Variants in PCDHGB5 observed in about 807,000 individuals in gnomAD.
PCDHGB5 encodes protocadherin gamma subfamily B, 5.
Under a neutral mutation model 62.9 loss-of-function variants are expected in PCDHGB5, and 48 were observed. The observed-to-expected ratio is 0.76, with a 90% CI of 0.61 to 0.97. The LOEUF (loss-of-function observed/expected upper bound fraction) is 0.97. PCDHGB5 is among the 50% of genes least tolerant of loss of function. The pLI, the probability that PCDHGB5 is intolerant of heterozygous loss-of-function variation, is 0.00. For synonymous variants in PCDHGB5, 474 were observed against 511.2 expected (o/e 0.93, Z 0.98); for missense variants, 1,118 against 1,198.6 (o/e 0.93, Z 0.99).
rs1046764113 is a variant in PCDHGB5, at chr5:141,495,395, G to A, written c.2456+530G>A. Among the ~76,000 whole-genome samples the A allele has an allele frequency of 4.1e-4, 62 of 152,326 alleles. 1 individual carries two copies. The highest frequency in any genetic ancestry group is 1.4e-3 in the African/African-American group (57 of 41,576). On this transcript the variant is annotated intron_variant, in intron 2 of 3. Transcript: ENST00000617380. Reference sequence around the variant, plus strand: ...GAGGAAGGACTGGGCGGGGCATGGAGCAGGCCCCCTTCTCCGGCCCCTCCT... The same window carrying A: ...GAGGAAGGACTGGGCGGGGCATGGAACAGGCCCCCTTCTCCGGCCCCTCCT...
rs1034752721 is a variant in PCDHGB5 at position 141,397,985 on chromosome 5, C to A, written c.-143C>A. On this transcript the variant is annotated 5_prime_UTR_variant, in exon 1 of 4. Coordinates refer to ENST00000617380, the MANE Select transcript of PCDHGB5 (RefSeq NM_018925.3). ...AGACTCCCCAGCGCCGGCCTTTACACCGCTTCCTCCTCGGAAAAAGAATCG... is the reference window on the plus strand; with the variant it reads ...AGACTCCCCAGCGCCGGCCTTTACAACGCTTCCTCCTCGGAAAAAGAATCG... 2.3e-6 allele frequency: 3 copies of A among 1,315,640 alleles called. No homozygotes were observed. Among genetic ancestry groups the A allele is most frequent in the Non-Finnish European group, 2.1e-6 (2 of 975,244 alleles). 81.5% of individuals were successfully genotyped at this position (1,315,640 alleles called of 1,614,324 possible). A position where few individuals can be genotyped will look rare whatever the true frequency, so the allele number is the denominator to read the frequency against.
chr5:141,505,270 G>A (rs550800630), intron 2 of PCDHGB5, 123 bp from the exon 3 acceptor site: 103 of 1,520,724 alleles, frequency 6.8e-5, no homozygotes, highest in Middle Eastern at 4.6e-4. Context: ...CTTGCTGAGA[G>A]AAACAGGTCT....
Position 141,456,465 on chromosome 5 carries a change from C to T in PCDHGB5, c.2398-38342C>T, listed in dbSNP as rs553441797. ...ACAGAGTCCAAATATCAATACAAGA[C>T]ATATAAGCAAGAGAGTGCTTAATAA... On this transcript the variant is annotated intron_variant, in intron 1 of 3. Coordinates refer to ENST00000617380, the MANE Select transcript of PCDHGB5 (RefSeq NM_018925.3). 2.6e-5 allele frequency among the ~76,000 whole-genome samples: 4 copies of T among 152,212 alleles called. No homozygotes were observed. In the East Asian group the frequency reaches 7.7e-4, roughly 29 times the overall value.
intron 1 of PCDHGB5, chr5:141,423,883 A>T (rs1211746978): frequency 1.6e-6 from 2 of 1,283,342 alleles, no homozygotes; most frequent in Admixed American, 7.5e-5. Context: ...CAATCTTGGC[A>T]TATTTTCTTT....
At position 141,405,002 on chromosome 5, in the gene PCDHGB5, C is replaced by T. The variant is rs2154535993; in HGVS notation, c.2397+4478C>T. ...GGGCAGTCTTCAGATCCCTGCAGAC[C>T]TGGAGGCCTCAGACCTTACCCTCTA... is the stretch of plus-strand genomic sequence containing the variant. On this transcript the variant is annotated intron_variant, in intron 1 of 3. Transcript: ENST00000617380. The T allele has an allele frequency of 1.9e-6, 3 of 1,613,870 alleles. No homozygotes were observed. In the East Asian group the frequency reaches 6.7e-5, roughly 36 times the overall value.
In PCDHGB5 at chr5:141,485,735, G is replaced by A; in HGVS notation, c.2398-9072G>A. 6.2e-7 allele frequency: 1 copy of A among 1,614,166 alleles called. No homozygotes were observed. The highest frequency in any genetic ancestry group is 8.5e-7 in the Non-Finnish European group (1 of 1,180,036). On this transcript the variant is annotated intron_variant, in intron 1 of 3. Coordinates refer to ENST00000617380, the MANE Select transcript of PCDHGB5 (RefSeq NM_018925.3). The surrounding 1 kb of genome is among the most constrained non-coding windows in gnomAD (Gnocchi z 5.7). Reference sequence around the variant, plus strand: ...ACTGGATGTGAAGAAGCGCAGCGACGGCAGCCTGGTCCCAGAGCTGCTCCT... The same window carrying A: ...ACTGGATGTGAAGAAGCGCAGCGACAGCAGCCTGGTCCCAGAGCTGCTCCT...
At chr5:141,404,323 C>G (rs777252767) in intron 1 of PCDHGB5, 24 of 1,613,756 alleles carry the variant, frequency 1.5e-5, no homozygotes, top group Non-Finnish European at 2.0e-5. Flanking sequence ...AAGCCTCCTA[C>G]TCAGTCTACC....
chr5:141,424,383 T>C (rs2096817494), intron 1 of PCDHGB5: 2 of 152,238 alleles, frequency 1.3e-5, no homozygotes, highest in Non-Finnish European at 2.9e-5. Context: ...AAGCTCTAGA[T>C]GTCTTTTCCA....
At chr5:141,436,738 G>T (rs1207400781) in intron 1 of PCDHGB5, among the ~76,000 whole-genome samples, 2 of 152,306 alleles carry the variant, frequency 1.3e-5, no homozygotes, top group South Asian at 2.1e-4. Context: ...AATGATTTTT[G>T]TGTGCTTCTC....
Position 141,486,170 on chromosome 5 carries a change from C to A in PCDHGB5, c.2398-8637C>A. ...TGGGGGTTCTCCAGCCATGGAGCAACATTGCAGCCTTCGAGTGGATCTGCT... is the reference window on the plus strand; with the variant it reads ...TGGGGGTTCTCCAGCCATGGAGCAAAATTGCAGCCTTCGAGTGGATCTGCT... On this transcript the variant is annotated intron_variant, in intron 1 of 3. Coordinates refer to ENST00000617380, the MANE Select transcript of PCDHGB5 (RefSeq NM_018925.3). This position sits in a 1 kb window ranked among gnomAD's most constrained non-coding sequence, Gnocchi z 5.0. 6.2e-7 allele frequency: 1 copy of A among 1,614,234 alleles called. No homozygotes were observed. Among genetic ancestry groups the A allele is most frequent in the African/African-American group, 1.3e-5 (1 of 75,052 alleles).
In PCDHGB5 at chr5:141,413,327, A is replaced by T. The variant is rs200027912; in HGVS notation, c.2397+12803A>T. ...TTAGAGAAAGGCTCTTTCGTGGGCA[A>T]CATCTCCAAGGACTTGGGTCTGGCG... On this transcript the variant is annotated intron_variant, in intron 1 of 3. Transcript: ENST00000617380. The T allele has an allele frequency of 2.6e-4, 421 of 1,613,984 alleles. 1 individual carries two copies. The highest frequency in any genetic ancestry group is 1.1e-3 in the South Asian group (96 of 91,090).
chr5:141,507,619 G>T (rs1237918589), intron 3 of PCDHGB5, among the ~76,000 whole-genome samples: 22 of 152,256 alleles, frequency 1.4e-4, no homozygotes, highest in Admixed American at 1.4e-3. Context: ...ATATTTAGCT[G>T]TTGTGGCCTT....
chr5:141,415,502 A>AGCCC, intron 1 of PCDHGB5: 1 of 1,614,204 alleles, frequency 6.2e-7, no homozygotes, highest in South Asian at 1.1e-5. Flanking sequence ...ATCTTCCCCC[A>AGCCC]GCCCAATTAT....
chr5:141,421,505 G>A (rs745883683), intron 1 of PCDHGB5: 3 of 1,614,058 alleles, frequency 1.9e-6, no homozygotes, highest in South Asian at 1.1e-5. Context: ...AGGATAGACC[G>A]GGAGGAGCTC....
chr5:141,421,216 T>G, intron 1 of PCDHGB5: 1 of 1,567,154 alleles, frequency 6.4e-7, no homozygotes, highest in Non-Finnish European at 8.6e-7. Flanking sequence ...GAATATCGGC[T>G]TAGAGCCTGC....
At chr5:141,445,284 C>A (rs2098462533) in intron 1 of PCDHGB5, among the ~76,000 whole-genome samples, 1 of 152,178 alleles carries the variant, frequency 6.6e-6, no homozygotes, top group African/African-American at 2.4e-5. Flanking sequence ...TGCATAAGTT[C>A]AGGCTTCCAT....
chr5:141,415,315 G>T (rs201784236), intron 1 of PCDHGB5: 14 of 1,614,208 alleles, frequency 8.7e-6, no homozygotes, highest in African/African-American at 4.0e-5. Context: ...CTTCGTCATC[G>T]TGCTGCTGGC....
In PCDHGB5 at chr5:141,485,867, G is replaced by T; in HGVS notation, c.2398-8940G>T. The T allele has an allele frequency of 6.2e-7, 1 of 1,614,164 alleles. No homozygotes were observed. Among genetic ancestry groups the T allele is most frequent in the Non-Finnish European group, 8.5e-7 (1 of 1,180,040 alleles). On this transcript the variant is annotated intron_variant, in intron 1 of 3. Transcript: ENST00000617380. The surrounding 1 kb of genome is among the most constrained non-coding windows in gnomAD (Gnocchi z 5.7). ...TGGCACCGCAGAGCTCCGGGTATCC[G>T]TGCTGGACGTAAACGACAACGCCCC...
In PCDHGB5 at chr5:141,413,412, C is replaced by T. The variant is rs747352426; in HGVS notation, c.2397+12888C>T. ...TCTCCAGAGGTAGGACGCAGCTTTT[C>T]TCTCTGAACCCGCGCAGCGGCAGCT... On this transcript the variant is annotated intron_variant, in intron 1 of 3. Transcript: ENST00000617380. 5.6e-6 allele frequency: 9 copies of T among 1,613,954 alleles called. No individual in the cohort carries two copies. The African/African-American group carries it at 1.2e-4, about 22-fold the overall frequency.
Sources: allele counts gnomAD v4.1 joint callset (sites outside exome capture counted in the v4.1 genomes callset), GRCh38; gene constraint gnomAD v4.1.1; non-coding constraint Gnocchi (gnomAD v3.1); transcripts MANE v1.5; gene names NCBI Gene and HGNC (gene_info 2026-07-23, HGNC 2026-07-21).